The following CNTNAP2 variants were observed in gnomAD, a reference collection of about 807,000 sequenced individuals.
The protein encoded by CNTNAP2 is contactin associated protein 2.
Under a neutral mutation model 155.2 loss-of-function variants are expected in CNTNAP2, and 98 were observed. That is an observed-to-expected ratio of 0.63 (90% confidence interval 0.54 to 0.75). The LOEUF (loss-of-function observed/expected upper bound fraction) is 0.75. Ranked by LOEUF, CNTNAP2 falls within the 30% of genes least tolerant of loss-of-function variation. The probability of loss-of-function intolerance (pLI) is 0.00; values close to 1 mark genes in which losing one functional copy is unlikely to be tolerated. For synonymous variants in CNTNAP2, 651 were observed against 631.2 expected (o/e 1.03, Z -0.47); for missense variants, 1,727 against 1,688.1 (o/e 1.02, Z -0.40).
chr7:147,731,091 C>T (rs981969750), intron 13 of CNTNAP2, among the ~76,000 whole-genome samples: 6 of 152,060 alleles, frequency 3.9e-5, no homozygotes, highest in Admixed American at 1.3e-4. Flanking sequence ...TTCTCTATAA[C>T]GTGAAAGTGC....
At chr7:148,073,483 G>C (rs140205841) in intron 15 of CNTNAP2, among the ~76,000 whole-genome samples, 1 of 152,306 alleles carries the variant, frequency 6.6e-6, no homozygotes, top group African/African-American at 2.4e-5. Context: ...CATTTGTCCA[G>C]CATATCCACG....
rs188212772 is a variant in CNTNAP2, at chr7:147,900,507, G to A, written c.2099-3058G>A. 7.3e-4 allele frequency among the ~76,000 whole-genome samples: 111 copies of A among 152,288 alleles called. 1 individual carries two copies. Among genetic ancestry groups the A allele is most frequent in the Admixed American group, 1.9e-3 (29 of 15,304 alleles). On this transcript the variant is annotated intron_variant, in intron 13 of 23. Transcript: ENST00000361727. ...GAGGCCTCCTCAGCCACACAAAATT[G>A]TGAGTCAGTCAAACCTCTTTTCTTT...
intron 1 of CNTNAP2, among the ~76,000 whole-genome samples, chr7:146,582,193 C>T (rs1798622194): frequency 6.6e-6 from 1 of 152,100 alleles, no homozygotes; most frequent in African/African-American, 2.4e-5. Flanking sequence ...AAGGTTTCCC[C>T]ATAGCAAAAT....
chr7:146,947,489 T>C (rs13224815), intron 3 of CNTNAP2, among the ~76,000 whole-genome samples: 32,595 of 140,344 alleles, frequency 0.23, 4,831 homozygotes, highest in Non-Finnish European at 0.32. Flanking sequence ...ACTATATATA[T>C]ACATATATAT....
chr7:148,106,493 G>GATAGATATAT (rs1490418389), intron 15 of CNTNAP2, among the ~76,000 whole-genome samples: 4 of 124,926 alleles, frequency 3.2e-5, no homozygotes, highest in African/African-American at 1.4e-4. Context: ...CACACTTTGA[G>GATAGATATAT]ATATATATAT....
intron 10 of CNTNAP2, among the ~76,000 whole-genome samples, chr7:147,414,819 T>C (rs1797162393): frequency 6.6e-6 from 1 of 151,226 alleles, no homozygotes; most frequent in Non-Finnish European, 1.5e-5. Flanking sequence ...TGGGCGCCTG[T>C]AGTCCCAGCT....
chr7:147,906,996 A>G (rs914813875), intron 14 of CNTNAP2, among the ~76,000 whole-genome samples: 9 of 152,174 alleles, frequency 5.9e-5, no homozygotes, highest in African/African-American at 2.2e-4. Flanking sequence ...TTGCTTCCGT[A>G]AAGTTTGTCT....
intron 1 of CNTNAP2, among the ~76,000 whole-genome samples, chr7:146,572,749 A>G (rs1015196963): frequency 6.7e-6 from 1 of 149,730 alleles, no homozygotes; most frequent in Non-Finnish European, 1.5e-5. Context: ...GGATGGCATG[A>G]TTTTATGTGT....
intron 3 of CNTNAP2, among the ~76,000 whole-genome samples, chr7:146,904,628 C>G (rs892894961): frequency 3.3e-5 from 5 of 152,186 alleles, no homozygotes; most frequent in African/African-American, 9.6e-5. Context: ...CCCGCCACCA[C>G]GCCTGGCTAA....
At chr7:146,723,198 A>G (rs1047836411) in intron 1 of CNTNAP2, among the ~76,000 whole-genome samples, 13 of 152,226 alleles carry the variant, frequency 8.5e-5, no homozygotes, top group African/African-American at 2.6e-4. Context: ...CAATGGAGAT[A>G]CAGTGAGAAG....
chr7:148,024,157 TAAA>T (rs34591496), intron 15 of CNTNAP2, among the ~76,000 whole-genome samples: 2 of 107,632 alleles, frequency 1.9e-5, no homozygotes, highest in Admixed American at 1.0e-4. Flanking sequence ...CTTTAAAGTG[TAAA>T]AAAAAAAAAA....
chr7:147,033,089 G>T (rs1481332233), intron 3 of CNTNAP2, among the ~76,000 whole-genome samples: 1 of 145,568 alleles, frequency 6.9e-6, no homozygotes, highest in African/African-American at 2.5e-5. Context: ...ACAACATTAA[G>T]AAGACAAGAT....
At chr7:146,873,843 G>T (rs1795366512) in intron 3 of CNTNAP2, among the ~76,000 whole-genome samples, 1 of 152,060 alleles carries the variant, frequency 6.6e-6, no homozygotes, top group Non-Finnish European at 1.5e-5. Context: ...GTCAAATTTT[G>T]AGTGACTATT....
intron 5 of CNTNAP2, among the ~76,000 whole-genome samples, chr7:147,110,044 C>CTA (rs1411841016): frequency 1.3e-5 from 2 of 152,222 alleles, no homozygotes; most frequent in African/African-American, 4.8e-5. Flanking sequence ...CCTGCCTCAG[C>CTA]CTCCCGAGTA....
intron 1 of CNTNAP2, among the ~76,000 whole-genome samples, chr7:146,376,424 C>A (rs536806781): frequency 8.6e-5 from 13 of 152,036 alleles, no homozygotes; most frequent in African/African-American, 2.7e-4. Context: ...TATTTCTCAT[C>A]GAAAGCAAAC....
intron 13 of CNTNAP2, among the ~76,000 whole-genome samples, chr7:147,810,652 T>G (rs1798164618): frequency 6.6e-6 from 1 of 152,222 alleles, no homozygotes; most frequent in South Asian, 2.1e-4. Flanking sequence ...AGCAGTCTTT[T>G]CACATTAGAA....
chr7:148,391,688 G>C (rs182831245), intron 22 of CNTNAP2, among the ~76,000 whole-genome samples: 7 of 152,284 alleles, frequency 4.6e-5, no homozygotes, highest in Admixed American at 2.6e-4. Context: ...ACTCTGTTGT[G>C]TTTCTTCCTT....
chr7:147,399,742 A>G (rs1425253201), intron 10 of CNTNAP2, among the ~76,000 whole-genome samples: 1 of 152,130 alleles, frequency 6.6e-6, no homozygotes, highest in Non-Finnish European at 1.5e-5. Context: ...TACACAATAA[A>G]CCTTTGTGAT....
chr7:147,872,206 C>T lies in CNTNAP2; in HGVS notation c.2099-31359C>T, dbSNP rs1799338643. Among the ~76,000 whole-genome samples, 2 of 152,202 alleles carry T rather than the reference C, an allele frequency of 1.3e-5. 1 individual carries two copies. The highest frequency in any genetic ancestry group is 4.8e-5 in the African/African-American group (2 of 41,460). Reference sequence around the variant, plus strand: ...GGAATTCCTCAATTTCTGATGTTATCATACCACAGAATTTTGGGACTATTT... The same window carrying T: ...GGAATTCCTCAATTTCTGATGTTATTATACCACAGAATTTTGGGACTATTT... On this transcript the variant is annotated intron_variant, in intron 13 of 23. Coordinates refer to ENST00000361727, the MANE Select transcript of CNTNAP2 (RefSeq NM_014141.6).
Sources: allele counts gnomAD v4.1 joint callset (sites outside exome capture counted in the v4.1 genomes callset), GRCh38; gene constraint gnomAD v4.1.1; transcripts MANE v1.5; gene names NCBI Gene and HGNC (gene_info 2026-07-23, HGNC 2026-07-21).